PRKG1: variants seen among roughly 807,000 people sequenced by gnomAD.
PRKG1 encodes the protein cGMP-dependent protein kinase 1.
In PRKG1, 35 loss-of-function variants were observed where a neutral mutation model predicts 88.1. That is an observed-to-expected ratio of 0.40 (90% confidence interval 0.30 to 0.53). The LOEUF is 0.53. PRKG1 is among the 20% of genes least tolerant of loss of function. The pLI, the probability that PRKG1 is intolerant of heterozygous loss-of-function variation, is 0.59. For missense variants in PRKG1, 540 were observed against 839.8 expected (o/e 0.64, Z 4.41); for synonymous variants, 303 against 292.5 (o/e 1.04, Z -0.37).
chr10:52,090,033 T>G (rs1243427160), intron 7 of PRKG1, among the ~76,000 whole-genome samples: 1 of 152,048 alleles, frequency 6.6e-6, no homozygotes, highest in Non-Finnish European at 1.5e-5. Context: ...CAGGATGGTC[T>G]CGATCTCTTG....
intron 2 of PRKG1, among the ~76,000 whole-genome samples, chr10:51,176,494 A>C (rs1219132317): frequency 6.6e-6 from 1 of 152,182 alleles, no homozygotes; most frequent in Admixed American, 6.6e-5. Context: ...TGTGGATAAT[A>C]AATGTACCTA....
At chr10:51,044,884 C>A (rs918819809) in intron 1 of PRKG1, among the ~76,000 whole-genome samples, 5 of 152,110 alleles carry the variant, frequency 3.3e-5, no homozygotes, top group African/African-American at 1.2e-4. Context: ...TATCATGATG[C>A]CTTTTTCTTT....
intron 9 of PRKG1, among the ~76,000 whole-genome samples, chr10:52,193,496 T>C (rs7091337): frequency 0.21 from 30,395 of 141,690 alleles, 4,446 homozygotes; most frequent in African/African-American, 0.43. Flanking sequence ...TGCAGTGAGC[T>C]GAGATTGCAC....
chr10:51,284,003 G>A (rs190482477), intron 2 of PRKG1, among the ~76,000 whole-genome samples: 1 of 152,268 alleles, frequency 6.6e-6, no homozygotes, highest in East Asian at 1.9e-4. Context: ...AAACAGAACT[G>A]TCTGCTATAC....
chr10:52,063,609 G>A (rs369394633), intron 7 of PRKG1, among the ~76,000 whole-genome samples: 3 of 152,212 alleles, frequency 2.0e-5, no homozygotes, highest in South Asian at 2.1e-4. Context: ...AATGTGGTAC[G>A]CAGACAAGTG....
At chr10:51,645,852 T>C (rs2132305025) in intron 3 of PRKG1, among the ~76,000 whole-genome samples, 1 of 152,264 alleles carries the variant, frequency 6.6e-6, no homozygotes, top group Non-Finnish European at 1.5e-5. Flanking sequence ...GAAGAAGAGT[T>C]GAATCTGGAT....
At chr10:51,721,673 C>G (rs1842016594) in intron 3 of PRKG1, among the ~76,000 whole-genome samples, 1 of 152,116 alleles carries the variant, frequency 6.6e-6, no homozygotes, top group African/African-American at 2.4e-5. Flanking sequence ...CATATATTTT[C>G]TAAATATTTT....
At chr10:51,731,792 G>A (rs916652942) in intron 3 of PRKG1, among the ~76,000 whole-genome samples, 1 of 152,168 alleles carries the variant, frequency 6.6e-6, no homozygotes, top group Non-Finnish European at 1.5e-5. Context: ...CACAGACCGC[G>A]TGGTTTACAA....
chr10:51,426,696 A>G (rs1261462668), intron 2 of PRKG1, among the ~76,000 whole-genome samples: 6 of 152,040 alleles, frequency 3.9e-5, no homozygotes, highest in Admixed American at 3.9e-4. Flanking sequence ...GTGTGTGTCT[A>G]TACACACACA....
intron 2 of PRKG1, among the ~76,000 whole-genome samples, chr10:51,280,060 G>A (rs1840248590): frequency 6.6e-6 from 1 of 152,114 alleles, no homozygotes; most frequent in Admixed American, 6.5e-5. Context: ...CTCTTGTAGG[G>A]CAGGCCTGGT....
chr10:51,354,342 G>A (rs750186966), intron 2 of PRKG1, among the ~76,000 whole-genome samples: 1 of 152,038 alleles, frequency 6.6e-6, no homozygotes, highest in Admixed American at 6.6e-5. Context: ...AAGGATAAAT[G>A]CTTGAGGGGA....
intron 3 of PRKG1, among the ~76,000 whole-genome samples, chr10:51,561,336 C>T (rs935182314): frequency 6.6e-5 from 10 of 151,718 alleles, no homozygotes; most frequent in African/African-American, 2.4e-4. Flanking sequence ...GAGACCCTGT[C>T]TCAAAAAATT....
chr10:51,654,127 C>T (rs527518759), intron 3 of PRKG1, among the ~76,000 whole-genome samples: 4 of 151,552 alleles, frequency 2.6e-5, no homozygotes, highest in African/African-American at 7.3e-5. Context: ...AACTTTTTGC[C>T]TATGTTTTCT....
chr10:52,143,121 T>C (rs532619682), intron 8 of PRKG1, among the ~76,000 whole-genome samples: 1 of 152,240 alleles, frequency 6.6e-6, no homozygotes, highest in East Asian at 1.9e-4. Context: ...AAGAAAGCTT[T>C]AGAACATATA....
At chr10:52,188,879 G>A (rs945390581) in intron 9 of PRKG1, among the ~76,000 whole-genome samples, 2 of 152,028 alleles carry the variant, frequency 1.3e-5, no homozygotes, top group Non-Finnish European at 1.5e-5. Flanking sequence ...ATTATTGTGT[G>A]GAATTAATTA....
At chr10:51,879,749 T>A (rs6480535) in intron 4 of PRKG1, among the ~76,000 whole-genome samples, 64,334 of 151,958 alleles carry the variant, frequency 0.42, 13,941 homozygotes, top group East Asian at 0.63. Context: ...AGTGTAGGTC[T>A]CTGAAGTTAG....
At chr10:51,224,415 T>C (rs1026534782) in intron 2 of PRKG1, among the ~76,000 whole-genome samples, 29 of 152,348 alleles carry the variant, frequency 1.9e-4, no homozygotes, top group African/African-American at 6.3e-4. Flanking sequence ...AAGTTGTCAT[T>C]GTCTAGCAAT....
chr10:52,120,736 C>G (rs570037830), intron 7 of PRKG1, among the ~76,000 whole-genome samples: 1 of 152,160 alleles, frequency 6.6e-6, no homozygotes, highest in African/African-American at 2.4e-5. Flanking sequence ...GCCCCTGTGT[C>G]TTTGCTGGCT....
chr10:52,221,902 T>G (rs558869722), intron 9 of PRKG1, among the ~76,000 whole-genome samples: 1 of 152,224 alleles, frequency 6.6e-6, no homozygotes, highest in Non-Finnish European at 1.5e-5. Context: ...TTGGATTAAG[T>G]GCTTTCAGAA....
Sources: gnomAD v4.1 joint callset for allele counts (sites outside exome capture counted in the v4.1 genomes callset) on GRCh38, gnomAD v4.1.1 for gene constraint, MANE v1.5 for transcripts, NCBI Gene and HGNC (gene_info 2026-07-23, HGNC 2026-07-21) for gene names.